Variants in ATOSA observed in about 807,000 individuals in gnomAD.
The protein encoded by ATOSA is atos homolog protein A.
At chr15:52,654,792 C>T in the ATOSA span, among the ~76,000 whole-genome samples, 4 of 151,844 alleles carry the variant, frequency 2.6e-5, no homozygotes, top group Non-Finnish European at 2.9e-5. Context: ...TGAGATCTAC[C>T]GATAGTAAGA....
the ATOSA span, among the ~76,000 whole-genome samples, chr15:52,670,884 T>G: frequency 6.6e-6 from 1 of 152,254 alleles, no homozygotes; most frequent in Non-Finnish European, 1.5e-5. Flanking sequence ...ATCTTACAGA[T>G]AAGTAAACAG....
At chr15:52,663,316 A>T in the ATOSA span, among the ~76,000 whole-genome samples, 2 of 152,342 alleles carry the variant, frequency 1.3e-5, no homozygotes, top group African/African-American at 2.4e-5. Flanking sequence ...GGAATTAATC[A>T]TTCCCTATGA....
At chr15:52,639,373 G>A in the ATOSA span, among the ~76,000 whole-genome samples, 2 of 152,080 alleles carry the variant, frequency 1.3e-5, no homozygotes, top group Admixed American at 6.6e-5. Context: ...ATAACCTCTG[G>A]TGCTGAGTTT....
At chr15:52,664,658 A>G in the ATOSA span, among the ~76,000 whole-genome samples, 8 of 152,206 alleles carry the variant, frequency 5.3e-5, no homozygotes, top group African/African-American at 1.9e-4. Flanking sequence ...AATACCATCT[A>G]GAGTGTGCGC....
the ATOSA span, among the ~76,000 whole-genome samples, chr15:52,663,758 T>G: frequency 6.6e-6 from 1 of 152,178 alleles, no homozygotes; most frequent in African/African-American, 2.4e-5. Context: ...GAGCTGGGAC[T>G]ATAGGCATGC....
the ATOSA span, chr15:52,651,869 C>G: frequency 1.3e-6 from 2 of 1,535,462 alleles, no homozygotes; most frequent in South Asian, 2.4e-5. Context: ...TCACTACACA[C>G]CTTCTCTGTG....
At chr15:52,647,668 C>T in the ATOSA span, among the ~76,000 whole-genome samples, 1 of 152,074 alleles carries the variant, frequency 6.6e-6, no homozygotes, top group Non-Finnish European at 1.5e-5. Flanking sequence ...TTTAGCAACT[C>T]TAGTCAATCA....
At chr15:52,617,114 C>T in the ATOSA span, among the ~76,000 whole-genome samples, 5 of 152,316 alleles carry the variant, frequency 3.3e-5, no homozygotes, top group African/African-American at 1.2e-4. Context: ...GAAGCCTTAA[C>T]TGGCACTGTG....
At chr15:52,613,831 CAT>C in the ATOSA span, 1 of 1,613,770 alleles carries the variant, frequency 6.2e-7, no homozygotes, top group African/African-American at 1.3e-5. Flanking sequence ...TCCTCTGCAT[CAT>C]ATTCAAAATA....
the ATOSA span, among the ~76,000 whole-genome samples, chr15:52,623,563 A>G: frequency 6.6e-6 from 1 of 152,042 alleles, no homozygotes; most frequent in Non-Finnish European, 1.5e-5. Context: ...GAGCTGGATT[A>G]CAGGCTGGTA....
the ATOSA span, among the ~76,000 whole-genome samples, chr15:52,666,729 T>G: frequency 1.3e-5 from 2 of 152,192 alleles, no homozygotes; most frequent in Non-Finnish European, 2.9e-5. Flanking sequence ...TACCTGTCTG[T>G]GTATGGGGAA....
At chr15:52,607,142 G>A in the ATOSA span, among the ~76,000 whole-genome samples, 1 of 152,150 alleles carries the variant, frequency 6.6e-6, no homozygotes, top group Non-Finnish European at 1.5e-5. Flanking sequence ...GTTTTTATAA[G>A]TAATACGACT....
At chr15:52,699,855 T>A in the ATOSA span, among the ~76,000 whole-genome samples, 1 of 152,316 alleles carries the variant, frequency 6.6e-6, no homozygotes, top group African/African-American at 2.4e-5. Context: ...ACTAGTGGCA[T>A]CAGCAGCAAT....
At chr15:52,627,039 C>G in the ATOSA span, among the ~76,000 whole-genome samples, 1 of 152,164 alleles carries the variant, frequency 6.6e-6, no homozygotes, top group East Asian at 1.9e-4. Context: ...CTTTGTTTCT[C>G]TGCCCATGCA....
At chr15:52,640,301 G>A in the ATOSA span, among the ~76,000 whole-genome samples, 1,634 of 151,682 alleles carry the variant, frequency 0.011, 26 homozygotes, top group African/African-American at 0.038. Context: ...ACTATAGTGT[G>A]GGCCAGGTGA....
chr15:52,618,132 A>G, the ATOSA span, among the ~76,000 whole-genome samples: 1 of 151,810 alleles, frequency 6.6e-6, no homozygotes, highest in African/African-American at 2.4e-5. Flanking sequence ...TCTGCCTCCC[A>G]GGTTCACGCC....
the ATOSA span, among the ~76,000 whole-genome samples, chr15:52,627,797 C>A: frequency 2.0e-5 from 3 of 151,914 alleles, no homozygotes; most frequent in African/African-American, 7.3e-5. Context: ...TGATTACATT[C>A]GTGTATGTTC....
the ATOSA span, among the ~76,000 whole-genome samples, chr15:52,703,893 G>A: frequency 6.6e-6 from 1 of 152,014 alleles, no homozygotes; most frequent in Admixed American, 6.6e-5. Context: ...ACACAATAGA[G>A]TACTATATCG....
chr15:52,687,469 G>T, the ATOSA span, among the ~76,000 whole-genome samples: 1 of 152,180 alleles, frequency 6.6e-6, no homozygotes, highest in Non-Finnish European at 1.5e-5. Flanking sequence ...CGTGCATAAG[G>T]AAAACACGTG....
Sources: allele counts gnomAD v4.1 joint callset (sites outside exome capture counted in the v4.1 genomes callset), GRCh38; gene constraint gnomAD v4.1.1; transcripts MANE v1.5; gene names NCBI Gene and HGNC (gene_info 2026-07-23, HGNC 2026-07-21).